WWOX: variants seen among roughly 807,000 people sequenced by gnomAD.
WWOX encodes WW domain containing oxidoreductase, also known as WW domain-containing oxidoreductase.
In WWOX, 69 loss-of-function variants were observed where a neutral mutation model predicts 46.2. The observed-to-expected ratio is 1.49, with a 90% CI of 1.23 to 1.82. The LOEUF (loss-of-function observed/expected upper bound fraction) is 1.82. Ranked by LOEUF, WWOX falls within the 40% of genes most tolerant of loss-of-function variation. The pLI, the probability that WWOX is intolerant of heterozygous loss-of-function variation, is 0.00. For synonymous variants in WWOX, 359 were observed against 202.6 expected (o/e 1.77, Z -6.56); for missense variants, 919 against 542.6 (o/e 1.69, Z -6.89).
rs372074232 is a variant in WWOX at position 78,924,525 on chromosome 16, C to G, written c.1057-287083C>G. 1.6e-4 allele frequency among the ~76,000 whole-genome samples: 24 copies of G among 152,310 alleles called. No homozygotes were observed. In the South Asian group the frequency reaches 2.7e-3, roughly 17 times the overall value. ...GTACTTGAGTAATTTACTCAAGATT[C>G]TCTTCAGCCCAGTTTCCTTATCTGT... On this transcript the variant is annotated intron_variant, in intron 8 of 8. Coordinates refer to ENST00000566780, the MANE Select transcript of WWOX (RefSeq NM_016373.4).
intron 8 of WWOX, among the ~76,000 whole-genome samples, chr16:78,746,464 C>G (rs909276512): frequency 6.6e-6 from 1 of 152,182 alleles, no homozygotes; most frequent in East Asian, 1.9e-4. Context: ...TGCCACTACA[C>G]TCCAGTACAC....
chr16:79,177,942 C>T (rs530591525), intron 8 of WWOX, among the ~76,000 whole-genome samples: 113 of 152,258 alleles, frequency 7.4e-4, no homozygotes, highest in African/African-American at 2.5e-3. Context: ...AGCAAAGCAA[C>T]GGCAGATTCA....
intron 8 of WWOX, among the ~76,000 whole-genome samples, chr16:78,744,046 T>C (rs1357007835): frequency 6.6e-6 from 1 of 152,190 alleles, no homozygotes; most frequent in East Asian, 1.9e-4. Context: ...GCCAAGAACC[T>C]GGACGCCCTC....
chr16:78,349,590 C>A (rs773464533), intron 5 of WWOX, among the ~76,000 whole-genome samples: 1 of 120,540 alleles, frequency 8.3e-6, no homozygotes, highest in African/African-American at 2.8e-5. Context: ...GCCACCTTCA[C>A]AGCCTTGCCA....
intron 5 of WWOX, among the ~76,000 whole-genome samples, chr16:78,183,018 T>C (rs1345894663): frequency 6.6e-6 from 1 of 151,792 alleles, no homozygotes; most frequent in Non-Finnish European, 1.5e-5. Context: ...TGGTCCAAGT[T>C]TTGGTTTTTA....
chr16:79,139,269 G>A (rs535727106), intron 8 of WWOX, among the ~76,000 whole-genome samples: 1 of 152,236 alleles, frequency 6.6e-6, no homozygotes, highest in Non-Finnish European at 1.5e-5. Flanking sequence ...TGCTGCTGCT[G>A]ATCACGTTAA....
intron 8 of WWOX, among the ~76,000 whole-genome samples, chr16:78,452,353 C>A (rs2083710981): frequency 6.6e-6 from 1 of 152,098 alleles, no homozygotes; most frequent in Admixed American, 6.5e-5. Context: ...TGCTATCATG[C>A]AGTCTGCCAG....
chr16:78,545,340 G>T (rs141909266), intron 8 of WWOX, among the ~76,000 whole-genome samples: 53 of 152,092 alleles, frequency 3.5e-4, no homozygotes, highest in African/African-American at 1.3e-3. Flanking sequence ...CCTGCTCCTC[G>T]TGGGATATAT....
At chr16:78,734,627 G>C (rs1394748814) in intron 8 of WWOX, among the ~76,000 whole-genome samples, 1 of 151,896 alleles carries the variant, frequency 6.6e-6, no homozygotes, top group African/African-American at 2.4e-5. Flanking sequence ...CCCAGTCACA[G>C]GGTGCCCACA....
chr16:79,092,622 A>T (rs1273472539), intron 8 of WWOX, among the ~76,000 whole-genome samples: 1 of 152,182 alleles, frequency 6.6e-6, no homozygotes, highest in Non-Finnish European at 1.5e-5. Flanking sequence ...TCATCTGGCG[A>T]AACCCCTTTT....
chr16:78,672,102 T>C (rs188066705), intron 8 of WWOX, among the ~76,000 whole-genome samples: 2 of 152,310 alleles, frequency 1.3e-5, no homozygotes, highest in Non-Finnish European at 2.9e-5. Context: ...CTCTCCACTT[T>C]TGTAAAAGTT....
At chr16:78,873,028 C>G (rs1229688734) in intron 8 of WWOX, 1 of 152,328 alleles carries the variant, frequency 6.6e-6, no homozygotes, top group East Asian at 1.9e-4. Flanking sequence ...AGCTCCTGGC[C>G]TCAAGCAGTC....
intron 8 of WWOX, among the ~76,000 whole-genome samples, chr16:79,021,157 G>C (rs1442219322): frequency 6.6e-6 from 1 of 152,138 alleles, no homozygotes; most frequent in African/African-American, 2.4e-5. Context: ...ATGAATTCGT[G>C]AATATGTTTA....
intron 8 of WWOX, among the ~76,000 whole-genome samples, chr16:78,459,180 T>G (rs1226780069): frequency 1.3e-5 from 2 of 152,206 alleles, no homozygotes; most frequent in African/African-American, 2.4e-5. Context: ...AGAGATTATC[T>G]AGGCCAAGGC....
intron 8 of WWOX, among the ~76,000 whole-genome samples, chr16:78,572,517 C>A (rs552935746): frequency 2.7e-5 from 4 of 146,996 alleles, no homozygotes; most frequent in Admixed American, 1.4e-4. Flanking sequence ...GAGGGAGGAC[C>A]TCTTGAGCCG....
chr16:79,212,165 G>C lies in WWOX; in HGVS notation c.*369G>C, dbSNP rs541781126. ...CCTCGTCCCATCCAGCTACCACCACGGCCACCACTGCAGCCGGGGGCTGGC... is the reference window on the plus strand; with the variant it reads ...CCTCGTCCCATCCAGCTACCACCACCGCCACCACTGCAGCCGGGGGCTGGC... On this transcript the variant is annotated 3_prime_UTR_variant, in exon 9 of 9. Coordinates refer to ENST00000566780, the MANE Select transcript of WWOX (RefSeq NM_016373.4). 1 of 1,493,654 alleles carries C rather than the reference G, an allele frequency of 6.7e-7. No individual in the cohort carries two copies. The highest frequency in any genetic ancestry group is 8.9e-7 in the Non-Finnish European group (1 of 1,127,420). 92.5% of individuals were successfully genotyped at this position (1,493,654 alleles called of 1,614,324 possible).
intron 5 of WWOX, among the ~76,000 whole-genome samples, chr16:78,354,228 A>AC (rs1218278409): frequency 7.4e-6 from 1 of 135,554 alleles, no homozygotes; most frequent in Non-Finnish European, 1.6e-5. Context: ...CCACCCCAGC[A>AC]CCCCCCCACC....
chr16:78,700,659 C>A (rs2048194726), intron 8 of WWOX, among the ~76,000 whole-genome samples: 1 of 152,180 alleles, frequency 6.6e-6, no homozygotes, highest in African/African-American at 2.4e-5. Context: ...TATTATACTT[C>A]CATATCGTGT....
At chr16:78,982,644 A>AAT (rs2046705848) in intron 8 of WWOX, among the ~76,000 whole-genome samples, 1 of 152,210 alleles carries the variant, frequency 6.6e-6, no homozygotes, top group African/African-American at 2.4e-5. Flanking sequence ...GGGAAGGACT[A>AAT]ATATTTCTGG....
Sources: allele counts gnomAD v4.1 joint callset (sites outside exome capture counted in the v4.1 genomes callset), GRCh38; gene constraint gnomAD v4.1.1; transcripts MANE v1.5; gene names NCBI Gene and HGNC (gene_info 2026-07-23, HGNC 2026-07-21).